The following P4HTM variants were observed in gnomAD, a reference collection of about 807,000 sequenced individuals.
The protein encoded by P4HTM is transmembrane prolyl 4-hydroxylase.
P4HTM carries 33 observed loss-of-function variants against 55.3 expected under a neutral mutation model. The ratio of observed to expected loss-of-function variants is 0.60; its 90% confidence interval spans 0.45 to 0.80. The LOEUF (loss-of-function observed/expected upper bound fraction) is 0.80, where lower values mean the gene tolerates loss of function less well. P4HTM is among the 30% of genes least tolerant of loss of function. P4HTM has a pLI of 0.00. For missense variants in P4HTM, 542 were observed against 696.5 expected, an observed-to-expected ratio of 0.78 and a Z score of 2.50; for synonymous variants, 272 against 286.4, an observed-to-expected ratio of 0.95 and a Z score of 0.51.
At chr3:49,003,723 C>G (rs1457558393) in intron 4 of P4HTM, 3 of 181,836 alleles carry the variant, frequency 1.6e-5, no homozygotes, top group Non-Finnish European at 3.4e-5. Context: ...TCTCTCCTCA[C>G]CCTCCACAGG....
rs1338816132 is a variant in P4HTM at position 49,002,910 on chromosome 3, G to A, written c.724+314G>A. On this transcript the variant is annotated intron_variant, in intron 4 of 8. Coordinates refer to ENST00000383729, the MANE Select transcript of P4HTM (RefSeq NM_177939.3). The surrounding 1 kb of genome is among the most constrained non-coding windows in gnomAD (Gnocchi z 4.4). ...CTAGTTGGCAGAGAACAGAGTGGGT[G>A]GAGCAGGAGCAAGGCGACAGTGAGG... The A allele has an allele frequency of 2.3e-6, 1 of 429,322 alleles. No individual in the cohort carries two copies. The highest frequency in any genetic ancestry group is 4.4e-6 in the Non-Finnish European group (1 of 227,694). The allele number at this position is 429,322 out of a possible 1,614,324, so 26.6% of individuals were successfully genotyped here.
In P4HTM at chr3:49,006,899, G is replaced by T. The variant is rs1457821967; in HGVS notation, c.1501G>T (p.Glu501Ter). 1 of 1,611,420 alleles carries T rather than the reference G, an allele frequency of 6.2e-7. No individual in the cohort carries two copies. Among genetic ancestry groups the T allele is most frequent in the South Asian group, 1.1e-5 (1 of 90,960 alleles). The change falls in exon 9 of 9, where the codon GAA (glutamate) becomes TAA (stop). Residue 501 changes from glutamate to a stop codon, truncating the protein, a stop_gained. Transcript: ENST00000383729. LOFTEE classifies it high-confidence loss of function. ...LDRAYRDARV[E>*]L Reference sequence around the variant, plus strand: ...CCGGGCCTACCGCGATGCGCGCGTGGAACTCTGAGGGAAGAGTTAGCCCCG... The same window carrying T: ...CCGGGCCTACCGCGATGCGCGCGTGTAACTCTGAGGGAAGAGTTAGCCCCG...
chr3:48,991,807 T>A (rs1330356553), intron 2 of P4HTM: 1 of 152,216 alleles, frequency 6.6e-6, no homozygotes, highest in African/African-American at 2.4e-5. Flanking sequence ...AGGGTGTTTG[T>A]GTAGCCCAGC....
In P4HTM at chr3:48,990,751, G is replaced by A; in HGVS notation, c.355-82G>A. On this transcript the variant is annotated intron_variant, in intron 1 of 8. Transcript: ENST00000383729. The surrounding 1 kb of genome is among the most constrained non-coding windows in gnomAD (Gnocchi z 7.2). The stretch of plus-strand genomic sequence containing the variant: ...CGCTCCCACTCACTCGCCTGCTGTC[G>A]CTCTCCGGGCCGGGGCGACTTGGCC... 6.6e-7 allele frequency: 1 copy of A among 1,523,542 alleles called. No homozygotes were observed. The highest frequency in any genetic ancestry group is 9.0e-7 in the Non-Finnish European group (1 of 1,114,728). The allele number at this position is 1,523,542 out of a possible 1,614,324, so 94.4% of individuals were successfully genotyped here. A position where few individuals can be genotyped will look rare whatever the true frequency, so the allele number is the denominator to read the frequency against.
chr3:48,990,009 G>C (rs2106638831), upstream of P4HTM: 1 of 186,164 alleles, frequency 5.4e-6, no homozygotes, highest in African/African-American at 2.4e-5. The surrounding 1 kb of genome is among the most constrained non-coding windows in gnomAD (Gnocchi z 7.2). Context: ...CTTCTGACTT[G>C]GAGAGTGTAC....
chr3:49,000,659 G>A (rs1488112878), intron 2 of P4HTM, among the ~76,000 whole-genome samples: 1 of 152,212 alleles, frequency 6.6e-6, no homozygotes, highest in Non-Finnish European at 1.5e-5. Context: ...CTCCCTAGAT[G>A]TGAGGCTCAG....
rs927713088 is a variant in P4HTM, at chr3:49,006,983, T to C, written c.*76T>C. ...CAGGGGTCCGGCTGTCCTTCTGTCC[T>C]GCTGCAGACTAAAGGTCTGGCCAAT... is the stretch of plus-strand genomic sequence containing the variant. On this transcript the variant is annotated 3_prime_UTR_variant, in exon 9 of 9. Coordinates refer to ENST00000383729, the MANE Select transcript of P4HTM (RefSeq NM_177939.3). 13 of 1,211,708 alleles carry C rather than the reference T, an allele frequency of 1.1e-5. No homozygotes were observed. In the Admixed American group the frequency reaches 1.6e-4, roughly 15 times the overall value. 75.1% of individuals were successfully genotyped at this position (1,211,708 alleles called of 1,614,324 possible).
intron 2 of P4HTM, among the ~76,000 whole-genome samples, chr3:48,996,805 A>G (rs1449273589): frequency 6.6e-6 from 1 of 152,196 alleles, no homozygotes; most frequent in Non-Finnish European, 1.5e-5. Context: ...GACAAACAGC[A>G]TCTTGTCCAA....
In P4HTM at chr3:48,990,896, C is replaced by T. The variant is rs1197845959; in HGVS notation, c.418C>T (p.Leu140Phe). Residue 140 changes from leucine (L) to phenylalanine (F), a missense_variant, in exon 2 of 9, where the codon CTC (leucine) becomes TTC (phenylalanine). This residue lies in a region of P4HTM where 536 missense variants were observed against 672.1 expected (regional missense o/e 0.80). Coordinates refer to ENST00000383729, the MANE Select transcript of P4HTM (RefSeq NM_177939.3). This position sits in a 1 kb window ranked among gnomAD's most constrained non-coding sequence, Gnocchi z 7.2. Reference protein sequence around the residue: ...DRDHFIRTLSLKPLLFEIPGF... With the variant: ...DRDHFIRTLSFKPLLFEIPGF... ...GGATCACTTCATCCGAACCCTCAGC[C>T]TCAAGCCGCTGCTCTTCGGTAAGTC... is the stretch of plus-strand genomic sequence containing the variant. 14 of 1,613,656 alleles carry T rather than the reference C, an allele frequency of 8.7e-6. No individual in the cohort carries two copies. The highest frequency in any genetic ancestry group is 1.6e-4 in the Middle Eastern group (1 of 6,084).
chr3:48,993,703 A>T (rs1354599831), intron 2 of P4HTM, among the ~76,000 whole-genome samples: 1 of 151,926 alleles, frequency 6.6e-6, no homozygotes, highest in Admixed American at 6.6e-5. Context: ...CTCTACTAAA[A>T]ATACAAAAAT....
At chr3:49,004,778 C>A (rs1016391444) in intron 5 of P4HTM, 83 bp from the exon 6 acceptor site, 35 of 1,421,622 alleles carry the variant, frequency 2.5e-5, no homozygotes, top group Non-Finnish European at 3.2e-5. Flanking sequence ...AAGCTTGTGG[C>A]AGGCCTAGGG....
At position 49,005,861 on chromosome 3, in the gene P4HTM, T is replaced by A. The variant is rs2092977609; in HGVS notation, c.1158T>A (p.Asp386Glu). Residue 386 changes from aspartate to glutamate, a missense_variant, in exon 7 of 9, where the codon GAT becomes GAA. By Grantham distance (45) the Asp-to-Glu change is conservative. Around this residue, in one of 2 missense-constraint regions of P4HTM, gnomAD observed 536 missense variants for 672.1 expected, o/e 0.80. Coordinates refer to ENST00000383729, the MANE Select transcript of P4HTM (RefSeq NM_177939.3). ...VFPVADNRTY[D>E]EMSLIQDDVD... is the part of the protein sequence containing the mutation. ...CTGTAGCAGATAACAGAACCTACGA[T>A]GAAATGGTAAGGGTCAACTGGGCTA... The A allele has an allele frequency of 4.5e-6, 7 of 1,546,896 alleles. No individual in the cohort carries two copies. Among genetic ancestry groups the A allele is most frequent in the Non-Finnish European group, 6.1e-6 (7 of 1,147,060 alleles).
chr3:49,006,866 GCT>G lies in P4HTM; in HGVS notation c.1471_1472del (p.Leu491GlyfsTer76), dbSNP rs1395842502. ...EGGTDSQPEW[A>X]LDRAYRDARV... The stretch of plus-strand genomic sequence containing the variant: ...GGGCACCGACTCACAGCCCGAGTGG[GCT>G]CTGGACCGGGCCTACCGCGATGCGC... On this transcript the variant is annotated frameshift_variant, in exon 9 of 9. Transcript: ENST00000383729. LOFTEE classifies it high-confidence loss of function. 5 of 1,612,888 alleles carry G rather than the reference GCT, an allele frequency of 3.1e-6. No homozygotes were observed. The highest frequency in any genetic ancestry group is 4.2e-6 in the Non-Finnish European group (5 of 1,179,964).
At chr3:49,000,736 G>C (rs2092958592) in intron 2 of P4HTM, among the ~76,000 whole-genome samples, 1 of 152,188 alleles carries the variant, frequency 6.6e-6, no homozygotes, top group Admixed American at 6.5e-5. Flanking sequence ...CTGAAGCCAA[G>C]CCCCAGGCCT....
chr3:48,994,109 T>C (rs1214006975), intron 2 of P4HTM, among the ~76,000 whole-genome samples: 2 of 152,062 alleles, frequency 1.3e-5, no homozygotes, highest in Non-Finnish European at 2.9e-5. Flanking sequence ...AATACTGTGG[T>C]ATTGGATGAC....
chr3:48,997,661 C>G (rs902303861), intron 2 of P4HTM: 1 of 152,234 alleles, frequency 6.6e-6, no homozygotes, highest in African/African-American at 2.4e-5. Flanking sequence ...ATGCTCTGCC[C>G]TTAGAATCAG....
intron 8 of P4HTM, 51 bp from the exon 9 acceptor site, chr3:49,006,636 C>A (rs1202722984): frequency 1.9e-6 from 3 of 1,541,066 alleles, no homozygotes; most frequent in Admixed American, 1.7e-5. Context: ...GCCTATGAGG[C>A]CAAGCTCTGG....
chr3:49,002,706 A>C lies in P4HTM; in HGVS notation c.724+110A>C, dbSNP rs1219795678. 6.1e-6 allele frequency: 5 copies of C among 820,618 alleles called. No individual in the cohort carries two copies. Among genetic ancestry groups the C allele is most frequent in the East Asian group, 2.5e-5 (1 of 39,930 alleles). The allele number at this position is 820,618 out of a possible 1,614,324, so 50.8% of individuals were successfully genotyped here. ...CCCCACAGCCAGGCAGCCTCTCTGC[A>C]CCCCTTTATAGTGGCCAGAGATGGG... On this transcript the variant is annotated intron_variant, in intron 4 of 8. Coordinates refer to ENST00000383729, the MANE Select transcript of P4HTM (RefSeq NM_177939.3). The surrounding 1 kb of genome is among the most constrained non-coding windows in gnomAD (Gnocchi z 4.4).
At chr3:48,992,469 G>T (rs946444793) in intron 2 of P4HTM, among the ~76,000 whole-genome samples, 6 of 151,560 alleles carry the variant, frequency 4.0e-5, no homozygotes, top group African/African-American at 1.5e-4. Flanking sequence ...AGCCGGGTGT[G>T]GTGGTGTACA....
Sources: gnomAD v4.1 joint callset for allele counts (sites outside exome capture counted in the v4.1 genomes callset) on GRCh38, gnomAD v4.1.1 for gene constraint, gnomAD v4.1.1 regional missense constraint, Gnocchi (gnomAD v3.1) non-coding constraint, MANE v1.5 for transcripts, NCBI Gene and HGNC (gene_info 2026-07-23, HGNC 2026-07-21) for gene names.